Variants in FRMD4A observed in about 807,000 individuals in gnomAD.
The protein encoded by FRMD4A is FERM domain-containing protein 4A.
In FRMD4A, 29 loss-of-function variants were observed where a neutral mutation model predicts 129.1. The ratio of observed to expected loss-of-function variants is 0.22; its 90% CI spans 0.17 to 0.31. The LOEUF is 0.31. Among genes scored for constraint, FRMD4A ranks in the 10% least tolerant of loss-of-function variants. The pLI is 1.00. For missense variants in FRMD4A, 1,272 were observed against 1,375.8 expected (o/e 0.92, Z 1.19); for synonymous variants, 634 against 571.6 (o/e 1.11, Z -1.56).
intron 2 of FRMD4A, among the ~76,000 whole-genome samples, chr10:14,046,607 C>T (rs1172887948): frequency 1.3e-5 from 2 of 152,162 alleles, no homozygotes; most frequent in African/African-American, 4.8e-5. Context: ...TACTGTTTTG[C>T]TGGTGATCTT....
At position 13,810,962 on chromosome 10, in the gene FRMD4A, A is replaced by G. The variant is rs576422628; in HGVS notation, c.112-54T>C. 27 of 854,832 alleles carry G rather than the reference A, an allele frequency of 3.2e-5. 1 individual carries two copies. In the South Asian group the frequency reaches 3.8e-4, roughly 12 times the overall value. The allele number at this position is 854,832 out of a possible 1,614,324, so 53.0% of individuals were successfully genotyped here. A position where few individuals can be genotyped will look rare whatever the true frequency, so the allele number is the denominator to read the frequency against. On this transcript the variant is annotated intron_variant, in intron 3 of 24. Transcript: ENST00000357447. The stretch of plus-strand genomic sequence containing the variant: ...TAAGTGATGAGAGACTGCTTTTCCT[A>G]AAATATGCAATCTCAGGTTTCCATA...
chr10:13,696,413 G>A (rs2086230163), intron 14 of FRMD4A, among the ~76,000 whole-genome samples: 1 of 152,210 alleles, frequency 6.6e-6, no homozygotes, highest in African/African-American at 2.4e-5. Context: ...GACCAATTCA[G>A]TGCTGGGTGA....
intron 2 of FRMD4A, among the ~76,000 whole-genome samples, chr10:14,186,123 T>C (rs1190342268): frequency 6.8e-6 from 1 of 147,732 alleles, no homozygotes; most frequent in Non-Finnish European, 1.5e-5. Flanking sequence ...TTATTGAGCT[T>C]ACAAAATCGC....
intron 2 of FRMD4A, among the ~76,000 whole-genome samples, chr10:14,302,442 T>C (rs1846216695): frequency 6.6e-6 from 1 of 152,214 alleles, no homozygotes; most frequent in African/African-American, 2.4e-5. Context: ...GTTAAAAGTG[T>C]GATCTCTGGA....
chr10:13,997,935 A>T (rs1035525333), intron 2 of FRMD4A, among the ~76,000 whole-genome samples: 2 of 152,160 alleles, frequency 1.3e-5, no homozygotes, highest in Non-Finnish European at 2.9e-5. Flanking sequence ...TGATGCATGC[A>T]ATTTGTGCAA....
intron 3 of FRMD4A, among the ~76,000 whole-genome samples, chr10:13,833,581 T>C (rs2093823945): frequency 6.6e-6 from 1 of 152,140 alleles, no homozygotes; most frequent in Non-Finnish European, 1.5e-5. Flanking sequence ...ATTTGGGAGC[T>C]CCTTACTGAC....
chr10:14,242,732 A>G (rs1328533027), intron 2 of FRMD4A, among the ~76,000 whole-genome samples: 3 of 152,218 alleles, frequency 2.0e-5, no homozygotes, highest in Non-Finnish European at 2.9e-5. Flanking sequence ...TAATACTCCA[A>G]GACTTTTCAT....
intron 6 of FRMD4A, among the ~76,000 whole-genome samples, chr10:13,766,442 G>T (rs955407887): frequency 1.3e-5 from 2 of 152,142 alleles, no homozygotes; most frequent in Non-Finnish European, 2.9e-5. Flanking sequence ...AGATTCAAGC[G>T]CCCCAGGCAT....
At chr10:14,214,870 T>A (rs370735028) in intron 2 of FRMD4A, among the ~76,000 whole-genome samples, 4 of 152,318 alleles carry the variant, frequency 2.6e-5, no homozygotes, top group South Asian at 2.1e-4. Context: ...ACTATCTACA[T>A]AATAGCCTCC....
intron 2 of FRMD4A, among the ~76,000 whole-genome samples, chr10:14,128,610 G>C (rs1839058608): frequency 1.3e-5 from 2 of 152,128 alleles, no homozygotes; most frequent in South Asian, 4.1e-4. Flanking sequence ...TCATACCTGA[G>C]CAAATCTAAG....
chr10:14,017,833 C>A (rs1252033780), intron 2 of FRMD4A, among the ~76,000 whole-genome samples: 1 of 152,174 alleles, frequency 6.6e-6, no homozygotes, highest in Non-Finnish European at 1.5e-5. Context: ...CATCTTGAAT[C>A]TGTTAGAAAG....
At chr10:14,052,264 G>C (rs1706649280) in intron 2 of FRMD4A, among the ~76,000 whole-genome samples, 1 of 152,174 alleles carries the variant, frequency 6.6e-6, no homozygotes, top group Admixed American at 6.5e-5. Flanking sequence ...ATAAATTTCT[G>C]TTGTCTTAAA....
intron 15 of FRMD4A, chr10:13,684,232 C>T: frequency 1.5e-6 from 1 of 679,644 alleles, no homozygotes; most frequent in East Asian, 1.3e-4. Context: ...AACTAGTTCA[C>T]TAATAATCTG....
chr10:14,017,167 T>C (rs1204470086), intron 2 of FRMD4A, among the ~76,000 whole-genome samples: 1 of 152,222 alleles, frequency 6.6e-6, no homozygotes, highest in African/African-American at 2.4e-5. Context: ...AGTGATGTCA[T>C]GCCCAGGGTT....
At chr10:14,084,203 G>A (rs1337436472) in intron 2 of FRMD4A, among the ~76,000 whole-genome samples, 2 of 152,206 alleles carry the variant, frequency 1.3e-5, no homozygotes, top group Non-Finnish European at 2.9e-5. Context: ...CTGGAGTGCA[G>A]TGGCATGATC....
chr10:14,310,086 G>C (rs1195724675), intron 2 of FRMD4A, among the ~76,000 whole-genome samples: 2 of 152,178 alleles, frequency 1.3e-5, no homozygotes, highest in Non-Finnish European at 2.9e-5. Context: ...GCATCTTCGA[G>C]GATCCTACCT....
At chr10:13,701,621 G>A (rs929323251) in intron 13 of FRMD4A, 143 bp from the exon 14 acceptor site, 11 of 679,922 alleles carry the variant, frequency 1.6e-5, no homozygotes, top group Middle Eastern at 2.8e-4. Flanking sequence ...ACACCTAGGC[G>A]TACACACACA....
chr10:14,236,959 G>C (rs1381437558), intron 2 of FRMD4A, among the ~76,000 whole-genome samples: 5 of 97,218 alleles, frequency 5.1e-5, no homozygotes, highest in East Asian at 7.3e-4. Context: ...AGATACTGTA[G>C]ATAAATTACC....
intron 2 of FRMD4A, among the ~76,000 whole-genome samples, chr10:14,223,033 G>A (rs1000987141): frequency 1.3e-5 from 2 of 152,184 alleles, no homozygotes; most frequent in African/African-American, 4.8e-5. Context: ...GTTGCAGTGC[G>A]CTGAGATTGC....
Sources: allele counts gnomAD v4.1 joint callset (sites outside exome capture counted in the v4.1 genomes callset), GRCh38; gene constraint gnomAD v4.1.1; transcripts MANE v1.5; gene names NCBI Gene and HGNC (gene_info 2026-07-23, HGNC 2026-07-21).